The following CDH23 variants were observed in gnomAD, a reference collection of about 807,000 sequenced individuals.
CDH23 encodes the protein cadherin related 23, also known as cadherin-23.
A neutral mutation model predicts 317.1 loss-of-function variants in CDH23; 189 were observed. The ratio of observed to expected loss-of-function variants is 0.60; its 90% confidence interval spans 0.53 to 0.67. The LOEUF (loss-of-function observed/expected upper bound fraction) is 0.67, where lower values mean the gene tolerates loss of function less well. Ranked by LOEUF, CDH23 falls within the 30% of genes least tolerant of loss-of-function variation. The pLI is 0.00. For synonymous variants in CDH23, 1,839 were observed against 1,876.8 expected (o/e 0.98, Z 0.52); for missense variants, 4,401 against 4,592.4 (o/e 0.96, Z 1.20).
chr10:71,667,871 G>C (rs1863981027), intron 14 of CDH23, among the ~76,000 whole-genome samples: 1 of 152,090 alleles, frequency 6.6e-6, no homozygotes, highest in Non-Finnish European at 1.5e-5. Flanking sequence ...ATAGAGTTTT[G>C]AATGCACAAG....
intron 21 of CDH23, among the ~76,000 whole-genome samples, chr10:71,695,053 T>C (rs1865327795): frequency 6.6e-6 from 1 of 152,186 alleles, no homozygotes; most frequent in Non-Finnish European, 1.5e-5. Context: ...GGGAAATTGC[T>C]TGGCTTGTAG....
intron 24 of CDH23, among the ~76,000 whole-genome samples, chr10:71,704,674 C>A (rs949888296): frequency 6.6e-6 from 1 of 152,140 alleles, no homozygotes; most frequent in Non-Finnish European, 1.5e-5. Context: ...CCCTCTGCCA[C>A]CCCATCACCG....
At chr10:71,589,880 A>G (rs548745156) in intron 9 of CDH23, among the ~76,000 whole-genome samples, 3 of 152,364 alleles carry the variant, frequency 2.0e-5, no homozygotes, top group South Asian at 2.1e-4. Context: ...TGCTTTACCT[A>G]CATCAACTCT....
At chr10:71,610,959 G>A (rs1472894637) in intron 9 of CDH23, among the ~76,000 whole-genome samples, 4 of 124,586 alleles carry the variant, frequency 3.2e-5, no homozygotes, top group East Asian at 2.5e-4. Context: ...GATACTCCCC[G>A]ACCCTGGAAC....
At chr10:71,736,323 G>A (rs1370374568) in intron 34 of CDH23, among the ~76,000 whole-genome samples, 1 of 152,236 alleles carries the variant, frequency 6.6e-6, no homozygotes, top group African/African-American at 2.4e-5. Flanking sequence ...TGGAGGCAGA[G>A]GAAGGGGCCC....
chr10:71,587,065 C>T (rs777241290), intron 9 of CDH23, among the ~76,000 whole-genome samples: 1 of 152,226 alleles, frequency 6.6e-6, no homozygotes, highest in African/African-American at 2.4e-5. Flanking sequence ...TCATCTCTCA[C>T]CCCCATCATA....
chr10:71,793,280 A>T lies in CDH23; in HGVS notation c.6352A>T (p.Ile2118Phe). 1 of 1,613,980 alleles carries T rather than the reference A, an allele frequency of 6.2e-7. No individual in the cohort carries two copies. Among genetic ancestry groups the T allele is most frequent in the South Asian group, 1.1e-5 (1 of 91,078 alleles). Residue 2118 changes from isoleucine (I) to phenylalanine (F), a missense_variant, in exon 48 of 70, where the codon ATT becomes TTT. Around this residue, in one of 3 missense-constraint regions of CDH23, gnomAD observed 3,068 missense variants for 3,203.3 expected, o/e 0.96. Coordinates refer to ENST00000224721, the MANE Select transcript of CDH23 (RefSeq NM_022124.6). ...AGCTGGGGCTCAGGACCGCTTCCTCATTCATCTGGTCACCGGGGTCATCCG... is the reference window on the plus strand; with the variant it reads ...AGCTGGGGCTCAGGACCGCTTCCTCTTTCATCTGGTCACCGGGGTCATCCG... Reference protein sequence around the residue: ...IEAGAQDRFLIHLVTGVIRVG... With the variant: ...IEAGAQDRFLFHLVTGVIRVG...
At chr10:71,541,206 G>A (rs774616407) in intron 6 of CDH23, among the ~76,000 whole-genome samples, 2 of 152,120 alleles carry the variant, frequency 1.3e-5, no homozygotes, top group African/African-American at 4.8e-5. Flanking sequence ...ATTCCCAGCC[G>A]CTGGCCGCCT....
chr10:71,646,056 T>C (rs1255708944), intron 13 of CDH23, 76 bp downstream of exon 13: 3 of 1,536,636 alleles, frequency 2.0e-6, no homozygotes, highest in African/African-American at 2.8e-5. Flanking sequence ...GGGTAGAAGA[T>C]TCCCTTAGAT....
At chr10:71,453,797 G>A (rs947434546) in intron 3 of CDH23, among the ~76,000 whole-genome samples, 3 of 152,244 alleles carry the variant, frequency 2.0e-5, no homozygotes, top group Non-Finnish European at 4.4e-5. Context: ...CACAGGAATT[G>A]TGGGGCTAAA....
At chr10:71,506,982 C>T (rs1853675053) in intron 3 of CDH23, among the ~76,000 whole-genome samples, 1 of 152,222 alleles carries the variant, frequency 6.6e-6, no homozygotes, top group Non-Finnish European at 1.5e-5. Context: ...CGCCCCCCTT[C>T]TTGGGAGGAC....
At chr10:71,802,678 C>T (rs145765245) in intron 53 of CDH23, among the ~76,000 whole-genome samples, 4 of 152,306 alleles carry the variant, frequency 2.6e-5, no homozygotes, top group East Asian at 1.9e-4. Context: ...ACTTGAGCCA[C>T]GCACTGTGCC....
At chr10:71,507,713 T>G (rs189124212) in intron 3 of CDH23, among the ~76,000 whole-genome samples, 1 of 152,310 alleles carries the variant, frequency 6.6e-6, no homozygotes, top group Admixed American at 6.5e-5. Context: ...AATTAATTAA[T>G]CAATCAAATG....
At chr10:71,672,280 C>T (rs544971924) in intron 14 of CDH23, among the ~76,000 whole-genome samples, 2 of 152,148 alleles carry the variant, frequency 1.3e-5, no homozygotes, top group Admixed American at 6.5e-5. Flanking sequence ...ACATTCAGGG[C>T]CGACAATGTG....
At chr10:71,689,096 G>C (rs1173144643) in intron 19 of CDH23, among the ~76,000 whole-genome samples, 5 of 125,828 alleles carry the variant, frequency 4.0e-5, no homozygotes, top group Admixed American at 1.5e-4. Context: ...GTGGAGCCAG[G>C]GGTGGTGGAG....
At position 71,677,586 on chromosome 10, in the gene CDH23, A is replaced by C; in HGVS notation, c.1645A>C (p.Ile549Leu). Residue 549 changes from isoleucine (I) to leucine (L), a missense_variant, in exon 16 of 70, where the codon ATC becomes CTC. Around this residue, in one of 3 missense-constraint regions of CDH23, gnomAD observed 3,068 missense variants for 3,203.3 expected, o/e 0.96. Coordinates refer to ENST00000224721, the MANE Select transcript of CDH23 (RefSeq NM_022124.6). Reference sequence around the variant, plus strand: ...CGAGGAGACCACAGGCCGGGTCAGGATCAATGTGTTGGATGTCAACGACAA... The same window carrying C: ...CGAGGAGACCACAGGCCGGGTCAGGCTCAATGTGTTGGATGTCAACGACAA... ...GGEETTGRVRINVLDVNDNVP... is the reference protein window; with the variant it reads ...GGEETTGRVRLNVLDVNDNVP... 1.2e-6 allele frequency: 2 copies of C among 1,609,776 alleles called. No homozygotes were observed. The highest frequency in any genetic ancestry group is 1.7e-6 in the Non-Finnish European group (2 of 1,178,390).
chr10:71,763,196 C>T (rs7067854), intron 38 of CDH23, among the ~76,000 whole-genome samples: 2 of 152,176 alleles, frequency 1.3e-5, no homozygotes, highest in Admixed American at 6.5e-5. Context: ...GTTTTTGAGA[C>T]GGAGTCTCCC....
intron 11 of CDH23, among the ~76,000 whole-genome samples, chr10:71,639,641 C>A (rs1862442138): frequency 6.6e-6 from 1 of 152,194 alleles, no homozygotes; most frequent in African/African-American, 2.4e-5. Flanking sequence ...AACACTTACC[C>A]CCTCTGGCCC....
At chr10:71,673,336 C>T (rs1864224914) in intron 14 of CDH23, among the ~76,000 whole-genome samples, 1 of 152,226 alleles carries the variant, frequency 6.6e-6, no homozygotes. Flanking sequence ...AGTGACCCCT[C>T]GCCAAGGGGT....
Sources: gnomAD v4.1 joint callset for allele counts (sites outside exome capture counted in the v4.1 genomes callset) on GRCh38, gnomAD v4.1.1 for gene constraint, gnomAD v4.1.1 regional missense constraint, MANE v1.5 for transcripts, NCBI Gene and HGNC (gene_info 2026-07-23, HGNC 2026-07-21) for gene names.